Variants in SH3KBP1 observed in about 807,000 individuals in gnomAD.
SH3KBP1 encodes SH3 domain containing kinase binding protein 1, also known as SH3 domain-containing kinase-binding protein 1.
In SH3KBP1, 8 loss-of-function variants were observed where a neutral mutation model predicts 50.1. The observed-to-expected ratio is 0.16, with a 90% CI of 0.09 to 0.29. The LOEUF (loss-of-function observed/expected upper bound fraction) is 0.29, where lower values mean the gene tolerates loss of function less well. SH3KBP1 is among the 10% of genes least tolerant of loss of function. The pLI is 1.00. For synonymous variants in SH3KBP1, 227 were observed against 218.6 expected, an observed-to-expected ratio of 1.04 and a Z score of -0.34; for missense variants, 377 against 535.2, an observed-to-expected ratio of 0.70 and a Z score of 2.92.
chrX:19,775,286 C>A (rs1053235862), intron 2 of SH3KBP1, among the ~76,000 whole-genome samples: 1 of 111,936 alleles, frequency 8.9e-6, no homozygotes. Flanking sequence ...GGAAAGCCGA[C>A]GACATCACAG....
At chrX:19,760,679 C>G (rs2065394645) in intron 2 of SH3KBP1, among the ~76,000 whole-genome samples, 1 of 110,919 alleles carries the variant, frequency 9.0e-6, no homozygotes, top group African/African-American at 3.3e-5. Context: ...GGTTCTGATA[C>G]CACTGAGAGC....
At chrX:19,566,199 A>G (rs896511581) in intron 13 of SH3KBP1, among the ~76,000 whole-genome samples, 1 of 111,041 alleles carries the variant, frequency 9.0e-6, no homozygotes, top group African/African-American at 3.3e-5. Flanking sequence ...TCTCTGTGGC[A>G]AAGAGAGAGA....
intron 1 of SH3KBP1, among the ~76,000 whole-genome samples, chrX:19,861,036 G>T (rs746277357): frequency 1.8e-5 from 2 of 111,312 alleles, no homozygotes; most frequent in African/African-American, 3.3e-5. Context: ...TACCATTTTT[G>T]CATCTTTTCC....
intron 5 of SH3KBP1, among the ~76,000 whole-genome samples, chrX:19,685,464 C>T (rs1004664384): frequency 9.0e-6 from 1 of 111,237 alleles, no homozygotes; most frequent in African/African-American, 3.3e-5. Flanking sequence ...AGGAAGGTCC[C>T]CAGTGTACAT....
At chrX:19,573,371 C>G (rs1458978397) in intron 12 of SH3KBP1, among the ~76,000 whole-genome samples, 1 of 111,695 alleles carries the variant, frequency 9.0e-6, no homozygotes, top group African/African-American at 3.3e-5. Context: ...ACTGCAACCT[C>G]TGCCTCCTGG....
chrX:19,728,244 C>T (rs981122281), intron 3 of SH3KBP1, among the ~76,000 whole-genome samples: 1 of 111,229 alleles, frequency 9.0e-6, no homozygotes, highest in Admixed American at 9.6e-5. Context: ...AATCTGATAT[C>T]CAAAATGCTC....
At chrX:19,741,168 C>T (rs867011213) in intron 3 of SH3KBP1, among the ~76,000 whole-genome samples, 1 of 112,255 alleles carries the variant, frequency 8.9e-6, no homozygotes, top group African/African-American at 3.2e-5. Flanking sequence ...TGGAACCCGT[C>T]TGAAGGATTA....
chrX:19,860,526 G>C (rs1387369095), intron 1 of SH3KBP1, among the ~76,000 whole-genome samples: 1 of 111,570 alleles, frequency 9.0e-6, no homozygotes, highest in Non-Finnish European at 1.9e-5. Context: ...TGATGAAAAA[G>C]TTCTGGAAAC....
chrX:19,588,869 C>T, intron 11 of SH3KBP1, 67 bp from the exon 12 acceptor site: 1 of 883,578 alleles, frequency 1.1e-6, no homozygotes, highest in Non-Finnish European at 1.5e-6. Context: ...ATGCAGATCA[C>T]TCATTTCCTG....
intron 2 of SH3KBP1, among the ~76,000 whole-genome samples, chrX:19,760,870 G>A (rs928135787): frequency 1.8e-5 from 2 of 109,918 alleles, no homozygotes; most frequent in African/African-American, 6.6e-5. Context: ...AATGCTAAAA[G>A]GAAAAACTTT....
At chrX:19,863,079 G>T (rs1258770449) in intron 1 of SH3KBP1, among the ~76,000 whole-genome samples, 3 of 112,441 alleles carry the variant, frequency 2.7e-5, no homozygotes, top group Non-Finnish European at 5.6e-5. Flanking sequence ...CCCTCCCTGG[G>T]GGTTAGCTGA....
At position 19,542,094 on chromosome X, in the gene SH3KBP1, A is replaced by T; in HGVS notation, c.1723T>A (p.Ser575Thr). The T allele has an allele frequency of 8.3e-7, 1 of 1,211,515 alleles. No individual in the cohort carries two copies. Among genetic ancestry groups the T allele is most frequent in the Non-Finnish European group, 1.1e-6 (1 of 895,342 alleles). The change falls in exon 16 of 18, where the codon TCA becomes ACA. Residue 575 changes from serine (S) to threonine (T), a missense_variant. Transcript: ENST00000397821. ...PLSSAAPSPL[S>T]SSLGTAGHRA... ...TGTCCAGCTGTTCCCAAAGAGGATGACAGGGGGGAGGGCGCCGCTGAGGAC... is the reference window on the plus strand; with the variant it reads ...TGTCCAGCTGTTCCCAAAGAGGATGTCAGGGGGGAGGGCGCCGCTGAGGAC...
At chrX:19,816,783 G>T (rs925735271) in intron 2 of SH3KBP1, among the ~76,000 whole-genome samples, 2 of 111,756 alleles carry the variant, frequency 1.8e-5, no homozygotes, top group African/African-American at 6.5e-5. Flanking sequence ...ACTCTAGCCT[G>T]GGCAACGGAG....
At chrX:19,686,043 A>C (rs1015020148) in intron 5 of SH3KBP1, among the ~76,000 whole-genome samples, 1 of 111,690 alleles carries the variant, frequency 9.0e-6, no homozygotes, top group Non-Finnish European at 1.9e-5. Context: ...TTCTGGGCTC[A>C]TCTTAATATG....
intron 12 of SH3KBP1, among the ~76,000 whole-genome samples, chrX:19,585,629 C>T (rs1467395494): frequency 9.0e-6 from 1 of 111,369 alleles, no homozygotes; most frequent in Non-Finnish European, 1.9e-5. Flanking sequence ...GGGCGAGCAC[C>T]GTCAACAACT....
At chrX:19,584,924 A>G (rs2147948952) in intron 12 of SH3KBP1, among the ~76,000 whole-genome samples, 1 of 111,700 alleles carries the variant, frequency 9.0e-6, no homozygotes, top group African/African-American at 3.2e-5. Context: ...CTGGTCAGGT[A>G]AATCCTGGCG....
chrX:19,880,406 G>A (rs1157753382), intron 1 of SH3KBP1, among the ~76,000 whole-genome samples: 1 of 112,862 alleles, frequency 8.9e-6, no homozygotes, highest in Admixed American at 9.3e-5. Context: ...CCAGGGCAAT[G>A]GAGCTGAGCA....
At position 19,631,926 on chromosome X, in the gene SH3KBP1, C is replaced by T. The variant is rs1253992891; in HGVS notation, c.835G>A (p.Glu279Lys). The change falls in exon 8 of 18, where the codon GAG becomes AAG. Residue 279 changes from glutamate to lysine, a missense_variant. By Grantham distance (56) the Glu-to-Lys change is moderately conservative (BLOSUM62 1). Around this residue, in one of 3 missense-constraint regions of SH3KBP1, gnomAD observed 257 missense variants for 374.2 expected, o/e 0.69. Coordinates refer to ENST00000397821, the MANE Select transcript of SH3KBP1 (RefSeq NM_031892.3). ...KDYCKVIFPYEAQNDDELTIK... is the reference protein window; with the variant it reads ...KDYCKVIFPYKAQNDDELTIK... ...GTCAATTCATCATCATTCTGTGCCT[C>T]ATATGGAAATATTACTTTGCAGTAA... 8.4e-7 allele frequency: 1 copy of T among 1,194,887 alleles called. No homozygotes were observed. The highest frequency in any genetic ancestry group is 1.1e-6 in the Non-Finnish European group (1 of 881,625).
At chrX:19,794,862 A>AAC (rs2066663747) in intron 2 of SH3KBP1, among the ~76,000 whole-genome samples, 1 of 111,580 alleles carries the variant, frequency 9.0e-6, no homozygotes, top group Non-Finnish European at 1.9e-5. Context: ...CCTTCCATTC[A>AAC]TTCAGCAAAT....
Sources: gnomAD v4.1 joint callset for allele counts (sites outside exome capture counted in the v4.1 genomes callset) on GRCh38, gnomAD v4.1.1 for gene constraint, gnomAD v4.1.1 regional missense constraint, MANE v1.5 for transcripts, NCBI Gene and HGNC (gene_info 2026-07-23, HGNC 2026-07-21) for gene names.